Variants in PRMT7 observed in about 807,000 individuals in gnomAD.
The protein encoded by PRMT7 is protein arginine methyltransferase 7, also known as protein arginine N-methyltransferase 7.
Under a neutral mutation model 85.4 loss-of-function variants are expected in PRMT7, and 75 were observed. The observed-to-expected ratio is 0.88, with a 90% CI of 0.73 to 1.06. PRMT7 has a LOEUF of 1.06. Ranked by LOEUF, PRMT7 falls within the 50% of genes least tolerant of loss-of-function variation. The pLI is 0.00. For synonymous variants in PRMT7, 397 were observed against 359.5 expected (o/e 1.10, Z -1.18); for missense variants, 868 against 915.2 (o/e 0.95, Z 0.67).
intron 14 of PRMT7, 24 bp from the exon 15 acceptor site, chr16:68,352,224 C>T (rs201509898): frequency 3.9e-5 from 63 of 1,609,412 alleles, no homozygotes; most frequent in Non-Finnish European, 5.3e-5. Context: ...GACACCTGGG[C>T]CCTGCTTCTC....
chr16:68,324,696 A>G lies in PRMT7; in HGVS notation c.146A>G (p.Tyr49Cys), dbSNP rs1452965682. 1.9e-6 allele frequency: 3 copies of G among 1,614,224 alleles called. No homozygotes were observed. Among genetic ancestry groups the G allele is most frequent in the Non-Finnish European group, 8.5e-7 (1 of 1,180,024 alleles). Residue 49 changes from tyrosine (Y) to cysteine (C), a missense_variant, in exon 5 of 19, where the codon TAC becomes TGC. Coordinates refer to ENST00000441236, the MANE Select transcript of PRMT7 (RefSeq NM_019023.5). Reference sequence around the variant, plus strand: ...TGTCTTCCTTAGAATGTAAAATACTACCAAGGTATCCGGGCTGCCGTGAGC... The same window carrying G: ...TGTCTTCCTTAGAATGTAAAATACTGCCAAGGTATCCGGGCTGCCGTGAGC... ...LHDKDRNVKY[Y>C]QGIRAAVSRV...
At chr16:68,332,417 G>C (rs1350755821) in intron 6 of PRMT7, among the ~76,000 whole-genome samples, 1 of 152,162 alleles carries the variant, frequency 6.6e-6, no homozygotes, top group African/African-American at 2.4e-5. Flanking sequence ...ACTGCTCTAA[G>C]GCTGTTTAGC....
chr16:68,329,406 A>G, intron 6 of PRMT7: 1 of 340,708 alleles, frequency 2.9e-6, no homozygotes, highest in Non-Finnish European at 5.5e-6. Context: ...GGAGACGCAA[A>G]CAAAACCTAC....
At chr16:68,347,778 G>A (rs532720323) in intron 13 of PRMT7, 100 bp downstream of exon 13, 27 of 1,119,510 alleles carry the variant, frequency 2.4e-5, no homozygotes, top group East Asian at 4.9e-5. Context: ...AAGGAGTGGT[G>A]GCTCGCTTGC....
chr16:68,351,426 A>G (rs952478495), intron 14 of PRMT7: 3 of 140,076 alleles, frequency 2.1e-5, no homozygotes, highest in African/African-American at 5.4e-5. Context: ...GTTCCCTTCC[A>G]CACTTCGTGG....
At chr16:68,356,994 C>G (rs1313518820) in intron 18 of PRMT7, 60 bp from the exon 19 acceptor site, 1 of 1,532,328 alleles carries the variant, frequency 6.5e-7, no homozygotes, top group African/African-American at 1.4e-5. Flanking sequence ...TGGAGGCTGG[C>G]TAGGAAGGAG....
chr16:68,335,697 G>A (rs1254785099), intron 6 of PRMT7, among the ~76,000 whole-genome samples: 2 of 151,946 alleles, frequency 1.3e-5, no homozygotes, highest in Non-Finnish European at 2.9e-5. Flanking sequence ...TCAGGGATAG[G>A]AAGTGAGATC....
At chr16:68,349,542 A>G (rs1385395605) in intron 14 of PRMT7, among the ~76,000 whole-genome samples, 1 of 152,144 alleles carries the variant, frequency 6.6e-6, no homozygotes, top group African/African-American at 2.4e-5. Context: ...TTTCAATTGT[A>G]CAGTTGAGTG....
intron 11 of PRMT7, 75 bp downstream of exon 11, chr16:68,346,355 C>A: frequency 1.3e-6 from 2 of 1,593,054 alleles, no homozygotes; most frequent in South Asian, 2.2e-5. Context: ...CAGCACTTTG[C>A]TTATGATTTG....
chr16:68,311,128 G>T (rs1302381077), intron 1 of PRMT7, 29 bp downstream of exon 1: 2 of 680,900 alleles, frequency 2.9e-6, no homozygotes, highest in Non-Finnish European at 5.3e-6. Context: ...TGGGAAGGTG[G>T]GGTCGCTTTG....
rs758354490 is a variant in PRMT7 at position 68,346,194 on chromosome 16, C to T, written c.1105C>T (p.Gln369Ter). 2.5e-6 allele frequency: 4 copies of T among 1,614,174 alleles called. No homozygotes were observed. The highest frequency in any genetic ancestry group is 3.4e-6 in the Non-Finnish European group (4 of 1,180,040). The change falls in exon 11 of 19, where the codon CAG becomes TAG. Residue 369 changes from glutamine to a stop codon, truncating the protein, a stop_gained. Coordinates refer to ENST00000441236, the MANE Select transcript of PRMT7 (RefSeq NM_019023.5). LOFTEE classifies it high-confidence loss of function. The part of the protein sequence containing the change: ...VRQMRPVCDC[Q>*]AHLLWNRPRF... ...CCAGATGCGCCCCGTGTGTGACTGC[C>T]AGGCTCACCTGCTCTGGAACCGGCC...
In PRMT7 at chr16:68,315,929, C is replaced by CA; in HGVS notation, c.-49dup. On this transcript the variant is annotated 5_prime_UTR_variant, in exon 3 of 19. Transcript: ENST00000441236. ...ACAGTCAGACTTGTCCACAAGAACT[C>CA]AACTGGCAAGGCTGCTTTTCTGTGC... 1.3e-6 allele frequency: 2 copies of CA among 1,502,874 alleles called. No individual in the cohort carries two copies. The highest frequency in any genetic ancestry group is 1.8e-6 in the Non-Finnish European group (2 of 1,081,598). The allele number at this position is 1,502,874 out of a possible 1,614,324, so 93.1% of individuals were successfully genotyped here. A position where few individuals can be genotyped will look rare whatever the true frequency, so the allele number is the denominator to read the frequency against.
intron 6 of PRMT7, among the ~76,000 whole-genome samples, chr16:68,329,884 C>G (rs1458973017): frequency 2.0e-5 from 3 of 151,854 alleles, no homozygotes; most frequent in African/African-American, 4.8e-5. Context: ...TGTACACACA[C>G]ACACACACAC....
intron 14 of PRMT7, among the ~76,000 whole-genome samples, chr16:68,350,621 T>TA (rs2087176664): frequency 6.6e-6 from 1 of 152,248 alleles, no homozygotes; most frequent in African/African-American, 2.4e-5. Flanking sequence ...ATAATTCACA[T>TA]ACCTTACGAT....
chr16:68,346,578 C>CT (rs544407859), intron 11 of PRMT7, among the ~76,000 whole-genome samples: 1 of 56,172 alleles, frequency 1.8e-5, no homozygotes, highest in African/African-American at 2.2e-4. Flanking sequence ...ATTAGGCCAC[C>CT]CCCTCTTTTC....
At chr16:68,352,618 G>A in intron 15 of PRMT7, 1 of 473,506 alleles carries the variant, frequency 2.1e-6, no homozygotes, top group South Asian at 3.9e-5. Flanking sequence ...AATGGAAATG[G>A]CTGAGTGTTG....
intron 3 of PRMT7, among the ~76,000 whole-genome samples, chr16:68,317,237 CAAAAAAA>C (rs35849810): frequency 2.9e-5 from 3 of 104,148 alleles, no homozygotes; most frequent in African/African-American, 7.5e-5. Flanking sequence ...GACTCTGTCT[CAAAAAAA>C]AAAAAAAAAA....
At chr16:68,319,711 AGTGTGT>A (rs369478826) in intron 3 of PRMT7, among the ~76,000 whole-genome samples, 281 of 141,546 alleles carry the variant, frequency 2.0e-3, no homozygotes, top group African/African-American at 6.6e-3. Context: ...TAAGAGTGAG[AGTGTGT>A]GTGTGTGTGT....
At chr16:68,343,256 A>G (rs1055213116) in intron 9 of PRMT7, among the ~76,000 whole-genome samples, 3 of 152,108 alleles carry the variant, frequency 2.0e-5, no homozygotes, top group Non-Finnish European at 2.9e-5. Context: ...GAGCGCTACT[A>G]TGTATTTTTT....
Sources: gnomAD v4.1 joint callset for allele counts (sites outside exome capture counted in the v4.1 genomes callset) on GRCh38, gnomAD v4.1.1 for gene constraint, MANE v1.5 for transcripts, NCBI Gene and HGNC (gene_info 2026-07-23, HGNC 2026-07-21) for gene names.